The following ZNF609 variants were observed in gnomAD, a reference collection of about 807,000 sequenced individuals.
ZNF609 encodes the protein zinc finger protein 609.
In ZNF609, 11 loss-of-function variants were observed where a neutral mutation model predicts 109.5. That is an observed-to-expected ratio of 0.10 (90% confidence interval 0.06 to 0.17). The LOEUF is 0.17. Ranked by LOEUF, ZNF609 falls within the 10% of genes least tolerant of loss-of-function variation. ZNF609 has a pLI of 1.00. For synonymous variants in ZNF609, 646 were observed against 662.0 expected (o/e 0.98, Z 0.37); for missense variants, 1,559 against 1,772.4 (o/e 0.88, Z 2.16).
intron 3 of ZNF609, among the ~76,000 whole-genome samples, chr15:64,668,737 T>G (rs1287616028): frequency 6.6e-6 from 1 of 151,984 alleles, no homozygotes; most frequent in African/African-American, 2.4e-5. Flanking sequence ...GCGGATCACA[T>G]GAGGTCGGGA....
chr15:64,673,970 C>T lies in ZNF609; in HGVS notation c.1116C>T (p.Gly372=). 1 of 1,614,148 alleles carries T rather than the reference C, an allele frequency of 6.2e-7. No individual in the cohort carries two copies. Among genetic ancestry groups the T allele is most frequent in the Non-Finnish European group, 8.5e-7 (1 of 1,180,036 alleles). The change falls in exon 5 of 10, where the codon GGC becomes GGT. Residue 372 remains glycine, a synonymous_variant. Transcript: ENST00000326648. ...AAATGCGCAATGGCCGGGGTAGAGG[C>T]AAACGCATGCGTCCCAACAGTAATA... ...DLEMRNGRGR[G]KRMRPNSNTP...
At position 64,638,052 on chromosome 15, in the gene ZNF609, T is replaced by C. The variant is rs1232617931; in HGVS notation, c.973+15000T>C. On this transcript the variant is annotated intron_variant, in intron 3 of 9. Transcript: ENST00000326648. ...AAAAATACATATATATATATATGTATTTACATCCACAATCTATCTGGAATT... is the reference window on the plus strand; with the variant it reads ...AAAAATACATATATATATATATGTACTTACATCCACAATCTATCTGGAATT... Among the ~76,000 whole-genome samples, 3 of 138,984 alleles carry C rather than the reference T, an allele frequency of 2.2e-5. No individual in the cohort carries two copies. The East Asian group carries it at 5.9e-4, about 27-fold the overall frequency. 91.2% of individuals were successfully genotyped at this position (138,984 alleles called of 152,430 possible).
chr15:64,503,019 A>G (rs906679703), intron 2 of ZNF609: 10 of 150,536 alleles, frequency 6.6e-5, no homozygotes, highest in Non-Finnish European at 1.3e-4. Flanking sequence ...AGACGGCACC[A>G]CTGGACTCCA....
At chr15:64,546,607 G>A (rs1894365465) in intron 2 of ZNF609, among the ~76,000 whole-genome samples, 1 of 151,650 alleles carries the variant, frequency 6.6e-6, no homozygotes, top group African/African-American at 2.4e-5. Context: ...TGAGTAGCTG[G>A]GACAACAGGT....
intron 3 of ZNF609, among the ~76,000 whole-genome samples, chr15:64,645,421 T>C (rs1265623296): frequency 6.6e-6 from 1 of 151,976 alleles, no homozygotes; most frequent in Non-Finnish European, 1.5e-5. Flanking sequence ...AACTAGCAAC[T>C]GTTTTTTCCT....
At chr15:64,559,255 G>C (rs1166768278) in intron 2 of ZNF609, among the ~76,000 whole-genome samples, 1 of 152,034 alleles carries the variant, frequency 6.6e-6, no homozygotes, top group Non-Finnish European at 1.5e-5. Flanking sequence ...CTTTAAGATA[G>C]AATCAAGAGG....
intron 2 of ZNF609, among the ~76,000 whole-genome samples, chr15:64,559,995 A>AT (rs1339072469): frequency 1.3e-5 from 2 of 152,174 alleles, no homozygotes; most frequent in African/African-American, 2.4e-5. Context: ...ATGAGTTGTT[A>AT]TACCTCTGTC....
intron 2 of ZNF609, among the ~76,000 whole-genome samples, chr15:64,590,688 G>GTATA (rs962855844): frequency 2.1e-5 from 2 of 96,744 alleles, no homozygotes; most frequent in Admixed American, 2.1e-4. Context: ...ATATATATAT[G>GTATA]TATATATATA....
chr15:64,598,742 G>GTATATATATA (rs1169879124), intron 2 of ZNF609, among the ~76,000 whole-genome samples: 9 of 60,270 alleles, frequency 1.5e-4, no homozygotes, highest in South Asian at 6.1e-4. Context: ...CTTTGTGTGT[G>GTATATATATA]TATATATATA....
intron 4 of ZNF609, among the ~76,000 whole-genome samples, chr15:64,672,423 G>A (rs534818031): frequency 6.8e-4 from 101 of 149,078 alleles, no homozygotes; most frequent in Middle Eastern, 7.0e-3. Flanking sequence ...TCAGGAGTTC[G>A]AGACCAGCCT....
chr15:64,483,784 G>T (rs1044031306), intron 1 of ZNF609, among the ~76,000 whole-genome samples: 6 of 152,094 alleles, frequency 3.9e-5, no homozygotes, highest in African/African-American at 1.4e-4. Flanking sequence ...TCATCCTCTT[G>T]CCTCAACCTC....
rs750659573 is a variant in ZNF609 at position 64,674,997 on chromosome 15, T to C, written c.2143T>C (p.Phe715Leu). 1.2e-6 allele frequency: 2 copies of C among 1,613,884 alleles called. No individual in the cohort carries two copies. The highest frequency in any genetic ancestry group is 1.3e-5 in the African/African-American group (1 of 74,948). ...CAAGCCCACTGTTATGGGAGAACCT[T>C]TCACAGTCAACCCTGCCTTGACTCC... Reference protein sequence around the residue: ...QPKPTVMGEPFTVNPALTPAK... With the variant: ...QPKPTVMGEPLTVNPALTPAK... The change falls in exon 5 of 10, where the codon TTC (phenylalanine) becomes CTC (leucine). Residue 715 changes from phenylalanine to leucine, a missense_variant. Around this residue, in one of 4 missense-constraint regions of ZNF609, gnomAD observed 1,204 missense variants for 1,314.1 expected, o/e 0.92. Transcript: ENST00000326648.
chr15:64,476,398 G>T (rs894570039), intron 1 of ZNF609, among the ~76,000 whole-genome samples: 8 of 152,104 alleles, frequency 5.3e-5, no homozygotes, highest in Admixed American at 2.6e-4. Flanking sequence ...GAAAAGTACA[G>T]CAGGATAAGG....
Position 64,613,141 on chromosome 15 carries a change from C to A in ZNF609, c.748-9686C>A, listed in dbSNP as rs142581995. On this transcript the variant is annotated intron_variant, in intron 2 of 9. Transcript: ENST00000326648. ...TTCAAGACCAGCCTGGGAAACATGG[C>A]AAAACCTTGTCTCTACAAAAAATAC... Among the ~76,000 whole-genome samples the A allele has an allele frequency of 5.7e-3, 870 of 152,070 alleles. 12 individuals carry two copies. The highest frequency in any genetic ancestry group is 0.02 in the African/African-American group (836 of 41,480).
intron 2 of ZNF609, among the ~76,000 whole-genome samples, chr15:64,520,319 CAACCA>C (rs1310293392): frequency 6.6e-6 from 1 of 152,106 alleles, no homozygotes; most frequent in Non-Finnish European, 1.5e-5. Flanking sequence ...CAAGGTAAGA[CAACCA>C]AAAATGTCCC....
rs1450274989 is a variant in ZNF609, at chr15:64,530,464, G to A, written c.747+30298G>A. ...ACAAAGGTTATAATTATACTATCAC[G>A]GCTACAATATATTGAACATACATTA... is the stretch of plus-strand genomic sequence containing the variant. On this transcript the variant is annotated intron_variant, in intron 2 of 9. Coordinates refer to ENST00000326648, the MANE Select transcript of ZNF609 (RefSeq NM_015042.2). Among the ~76,000 whole-genome samples the A allele has an allele frequency of 4.6e-5, 7 of 152,224 alleles. No homozygotes were observed. The South Asian group carries it at 6.2e-4, about 14-fold the overall frequency.
chr15:64,515,281 G>C (rs1175573944), intron 2 of ZNF609, among the ~76,000 whole-genome samples: 1 of 152,142 alleles, frequency 6.6e-6, no homozygotes, highest in African/African-American at 2.4e-5. Flanking sequence ...TTATTCGAAG[G>C]CTTGGTGCTT....
At chr15:64,623,597 A>G (rs545055883) in intron 3 of ZNF609, among the ~76,000 whole-genome samples, 100 of 152,188 alleles carry the variant, frequency 6.6e-4, no homozygotes, top group African/African-American at 2.3e-3. Flanking sequence ...ATTTTATAGG[A>G]AATGTTTAGA....
chr15:64,607,217 A>G (rs1236952090), intron 2 of ZNF609, among the ~76,000 whole-genome samples: 2 of 152,082 alleles, frequency 1.3e-5, no homozygotes, highest in African/African-American at 4.8e-5. Context: ...ACTATCATTT[A>G]CTGAATTTAT....
Sources: allele counts gnomAD v4.1 joint callset (sites outside exome capture counted in the v4.1 genomes callset), GRCh38; gene constraint gnomAD v4.1.1; regional missense constraint gnomAD v4.1.1; transcripts MANE v1.5; gene names NCBI Gene and HGNC (gene_info 2026-07-23, HGNC 2026-07-21).